Variants in SELENON observed in about 807,000 individuals in gnomAD.
SELENON encodes the protein selenoprotein N, also known as selenoprotein N, 1.
A neutral mutation model predicts 59.5 loss-of-function variants in SELENON; 44 were observed. That is an observed-to-expected ratio of 0.74 (90% confidence interval 0.58 to 0.95). The LOEUF (loss-of-function observed/expected upper bound fraction) is 0.95, where lower values mean the gene tolerates loss of function less well. SELENON is among the 40% of genes least tolerant of loss of function. SELENON has a pLI of 0.00. For missense variants in SELENON, 674 were observed against 721.4 expected (o/e 0.93, Z 0.75); for synonymous variants, 320 against 305.6 (o/e 1.05, Z -0.49).
intron 3 of SELENON, among the ~76,000 whole-genome samples, 163 bp from the exon 3 acceptor site, chr1:25,804,979 A>G (rs2047892997): frequency 6.6e-6 from 1 of 152,096 alleles, no homozygotes; most frequent in Non-Finnish European, 1.5e-5. Flanking sequence ...GGCTATCCTG[A>G]AACTAAAATG....
At position 25,815,506 on chromosome 1, in the gene SELENON, G is replaced by GC. The variant is rs1450999558; in HGVS notation, c.1603-36dup. 2.5e-6 allele frequency: 4 copies of GC among 1,600,362 alleles called. No individual in the cohort carries two copies. The Admixed American group carries it at 5.0e-5, about 20-fold the overall frequency. On this transcript the variant is annotated intron_variant, in intron 12 of 12. Coordinates refer to ENST00000361547, the MANE Select transcript of SELENON (RefSeq NM_020451.3). ...AAGAGAGGGCACAGGGAGCCTGGGG[G>GC]CCCCCCTCCGCCCCACTTGCCTCAC...
At chr1:25,810,986 G>A (rs1321787989) in intron 7 of SELENON, among the ~76,000 whole-genome samples, 2 of 152,202 alleles carry the variant, frequency 1.3e-5, no homozygotes, top group African/African-American at 2.4e-5. Flanking sequence ...CCCCTGCTGC[G>A]GAGGTGGTGG....
At position 25,815,831 on chromosome 1, in the gene SELENON, T is replaced by A; in HGVS notation, c.*113T>A. ...CTCCCACCCCACTCCTAGGCTGCCT[T>A]GGAGGGTACAAGATCCACTGAGGGT... On this transcript the variant is annotated 3_prime_UTR_variant, in exon 13 of 13. Transcript: ENST00000361547. 6 of 1,162,218 alleles carry A rather than the reference T, an allele frequency of 5.2e-6. No homozygotes were observed. Among genetic ancestry groups the A allele is most frequent in the Non-Finnish European group, 7.5e-6 (6 of 804,302 alleles). The allele number at this position is 1,162,218 out of a possible 1,614,324, so 72.0% of individuals were successfully genotyped here.
chr1:25,812,633 G>A, intron 9 of SELENON, 54 bp from the exon 9 acceptor site: 5 of 1,400,104 alleles, frequency 3.6e-6, no homozygotes, highest in Non-Finnish European at 5.0e-6. Flanking sequence ...CTCAGCCCGA[G>A]TGGGACCCTG....
intron 12 of SELENON, among the ~76,000 whole-genome samples, chr1:25,815,016 G>T (rs1028545743): frequency 2.0e-5 from 3 of 152,090 alleles, no homozygotes; most frequent in African/African-American, 7.2e-5. Flanking sequence ...GGCTGGGCCT[G>T]GTTGGGAGAA....
intron 1 of SELENON, 42 bp downstream of exon 1, chr1:25,800,455 G>A: frequency 9.5e-7 from 1 of 1,049,898 alleles, no homozygotes; most frequent in Admixed American, 5.0e-5. Flanking sequence ...CGGGAGCGGG[G>A]ACTGAAGGAC....
chr1:25,801,684 A>G (rs1023394081), intron 2 of SELENON, among the ~76,000 whole-genome samples: 1 of 104,030 alleles, frequency 9.6e-6, no homozygotes, highest in Non-Finnish European at 2.1e-5. Flanking sequence ...AAGCAAAACC[A>G]AAAAAACAAA....
rs74424657 is a variant in SELENON, at chr1:25,813,518, G to A, written c.1388-363G>A. On this transcript the variant is annotated intron_variant, in intron 10 of 12. Transcript: ENST00000361547. The stretch of plus-strand genomic sequence containing the variant: ...GCTTTGTGAAGACAGTGATATTTAC[G>A]CTGAGACTTTGAAGGATGAGTAGGA... 987 of 374,066 alleles carry A rather than the reference G, an allele frequency of 2.6e-3. 11 individuals are homozygous for A. The highest frequency in any genetic ancestry group is 0.012 in the East Asian group (176 of 14,192). 23.2% of individuals were successfully genotyped at this position (374,066 alleles called of 1,614,324 possible).
chr1:25,805,569 G>T (rs2047899608), intron 4 of SELENON, among the ~76,000 whole-genome samples: 1 of 151,902 alleles, frequency 6.6e-6, no homozygotes, highest in South Asian at 2.1e-4. Flanking sequence ...AGCACAGGTT[G>T]GGGGGGTCTC....
chr1:25,800,284 G>A lies in SELENON; in HGVS notation c.54G>A (p.Ala18=), dbSNP rs1161818369. The A allele has an allele frequency of 1.0e-6, 1 of 985,798 alleles. No homozygotes were observed. Among genetic ancestry groups the A allele is most frequent in the Non-Finnish European group, 1.2e-6 (1 of 830,136 alleles). The allele number at this position is 985,798 out of a possible 1,614,324, so 61.1% of individuals were successfully genotyped here. A position where few individuals can be genotyped will look rare whatever the true frequency, so the allele number is the denominator to read the frequency against. The change falls in exon 1 of 13, where the codon GCG becomes GCA. Residue 18 remains alanine, a synonymous_variant. Transcript: ENST00000361547. Reference sequence around the variant, plus strand: ...GGCCGCCCAGCCCCGGCCCCGCCGCGCAGCCTCCCGCGCCACCGCGCCGCC... The same window carrying A: ...GGCCGCCCAGCCCCGGCCCCGCCGCACAGCCTCCCGCGCCACCGCGCCGCC...
intron 7 of SELENON, among the ~76,000 whole-genome samples, chr1:25,810,842 G>A (rs2047951993): frequency 6.6e-6 from 1 of 152,198 alleles, no homozygotes; most frequent in South Asian, 2.1e-4. Flanking sequence ...GTTGAGGAGG[G>A]GGCCTGGACT....
Position 25,809,018 on chromosome 1 carries a change from G to C in SELENON, c.748-8G>C. 6.2e-7 allele frequency: 1 copy of C among 1,613,514 alleles called. No homozygotes were observed. The highest frequency in any genetic ancestry group is 8.5e-7 in the Non-Finnish European group (1 of 1,179,980). On this transcript the variant is annotated splice_polypyrimidine_tract_variant and splice_region_variant and intron_variant, in intron 5 of 12. Transcript: ENST00000361547. ...AGCAAGCCAGTACGTGCCTCCCGCC[G>C]CCCCCAGGTCATCATCCACCGGCTC...
Position 25,805,214 on chromosome 1 carries a change from A to T in SELENON, c.476A>T (p.Glu159Val). 6.2e-7 allele frequency: 1 copy of T among 1,614,150 alleles called. No homozygotes were observed. Among genetic ancestry groups the T allele is most frequent in the Non-Finnish European group, 8.5e-7 (1 of 1,180,026 alleles). ...CCTAGCGAGGAGACGCTCACCATAG[A>T]AGCCCGATTCCAGCCTCTGCTCCCG... Residue 159 changes from glutamate to valine, a missense_variant, in exon 4 of 13, where the codon GAA becomes GTA. By Grantham distance (121) the Glu-to-Val change is moderately radical. Transcript: ENST00000361547.
rs2047931044 is a variant in SELENON, at chr1:25,808,679, C to T, written c.637C>T (p.Pro213Ser). The T allele has an allele frequency of 6.2e-7, 1 of 1,614,024 alleles. No homozygotes were observed. The highest frequency in any genetic ancestry group is 8.5e-7 in the Non-Finnish European group (1 of 1,180,008). Residue 213 changes from proline to serine, a missense_variant, in exon 5 of 13, where the codon CCA becomes TCA. Physicochemically the swap from Pro to Ser is moderately conservative, Grantham distance 74. Transcript: ENST00000361547. ...CCACTTCCAGCCCTTCCTTCCCCCGCCAGGCCAGGAGCTGGGTGAGCCCTG... is the reference window on the plus strand; with the variant it reads ...CCACTTCCAGCCCTTCCTTCCCCCGTCAGGCCAGGAGCTGGGTGAGCCCTG...
In SELENON at chr1:25,805,276, G is replaced by T. The variant is rs1486267834; in HGVS notation, c.537+1G>T. The T allele has an allele frequency of 6.2e-7, 1 of 1,614,010 alleles. No individual in the cohort carries two copies. The highest frequency in any genetic ancestry group is 8.5e-7 in the Non-Finnish European group (1 of 1,180,024). ...CAAGAGCAAAGATGGCTTCCTAGGGGTGAGTTGGGGACCACAGGCAGTGGG... is the reference window on the plus strand; with the variant it reads ...CAAGAGCAAAGATGGCTTCCTAGGGTTGAGTTGGGGACCACAGGCAGTGGG... On this transcript the variant is annotated splice_donor_variant, in intron 4 of 12. Transcript: ENST00000361547. LOFTEE classifies it high-confidence loss of function.
At chr1:25,800,625 T>C (rs1220157639) in intron 1 of SELENON, among the ~76,000 whole-genome samples, 2 of 147,598 alleles carry the variant, frequency 1.4e-5, no homozygotes, top group East Asian at 2.0e-4. Flanking sequence ...CGGAGGCCAG[T>C]GTGGGGCTGG....
In SELENON at chr1:25,818,160, C is replaced by T. The variant is rs1320673525; in HGVS notation, c.*2442C>T. The T allele has an allele frequency of 2.0e-5, 3 of 152,390 alleles. No individual in the cohort carries two copies. Among genetic ancestry groups the T allele is most frequent in the Non-Finnish European group, 4.4e-5 (3 of 68,194 alleles). 9.4% of individuals were successfully genotyped at this position (152,390 alleles called of 1,614,324 possible). ...GAGAGGGCCCCGGGCTGCCCTGTCA[C>T]TCCTCTAACACTTCCCTCCCCTGTC... On this transcript the variant is annotated 3_prime_UTR_variant, in exon 13 of 13. Transcript: ENST00000361547.
rs1488350566 is a variant in SELENON, at chr1:25,804,818, G to A, written c.404-324G>A. Among the ~76,000 whole-genome samples the A allele has an allele frequency of 6.6e-5, 10 of 152,232 alleles. 1 individual carries two copies. Among genetic ancestry groups the A allele is most frequent in the African/African-American group, 2.2e-4 (9 of 41,534 alleles). On this transcript the variant is annotated intron_variant, in intron 3 of 12. Coordinates refer to ENST00000361547, the MANE Select transcript of SELENON (RefSeq NM_020451.3). ...GTCCCAGAAGACCTAGAAAAGGGTC[G>A]TGGTTGGTCATGGGTTTCGAGTAAA...
chr1:25,811,832 G>A lies in SELENON; in HGVS notation c.1234G>A (p.Glu412Lys), dbSNP rs2047963055. Residue 412 changes from glutamate (E) to lysine (K), a missense_variant, in exon 9 of 13, where the codon GAG (glutamate) becomes AAG (lysine). Transcript: ENST00000361547. ...CAAGTGGCAGCAGGAGCTGAGCTGG[G>A]AGGAGGCTGCCCGGCGCCTGGAGGT... 21 of 1,583,876 alleles carry A rather than the reference G, an allele frequency of 1.3e-5. No individual in the cohort carries two copies. Among genetic ancestry groups the A allele is most frequent in the Non-Finnish European group, 1.8e-5 (21 of 1,165,082 alleles).
Sources: allele counts gnomAD v4.1 joint callset (sites outside exome capture counted in the v4.1 genomes callset), GRCh38; gene constraint gnomAD v4.1.1; transcripts MANE v1.5; gene names NCBI Gene and HGNC (gene_info 2026-07-23, HGNC 2026-07-21).